The following MPO variants were observed in gnomAD, a reference collection of about 807,000 sequenced individuals.
MPO encodes the protein myeloperoxidase.
MPO carries 57 observed loss-of-function variants against 69.4 expected under a neutral mutation model. That is an observed-to-expected ratio of 0.82 (90% CI 0.66 to 1.02). The LOEUF (loss-of-function observed/expected upper bound fraction) is 1.02, where lower values mean the gene tolerates loss of function less well. MPO is among the 50% of genes least tolerant of loss of function. The pLI is 0.00. For missense variants in MPO, 971 were observed against 1,014.1 expected, an observed-to-expected ratio of 0.96 and a Z score of 0.58; for synonymous variants, 426 against 417.1, an observed-to-expected ratio of 1.02 and a Z score of -0.26.
At chr17:58,278,979 C>A in intron 6 of MPO, 29 bp downstream of exon 6, 1 of 1,588,824 alleles carries the variant, frequency 6.3e-7, no homozygotes, top group Non-Finnish European at 8.5e-7. Flanking sequence ...CCTCTCCCAA[C>A]CCAGGCAGTG....
At chr17:58,271,608 A>T in intron 11 of MPO, 47 bp downstream of exon 11, 1 of 1,581,358 alleles carries the variant, frequency 6.3e-7, no homozygotes, top group Non-Finnish European at 8.7e-7. Flanking sequence ...AGAGTCAAGG[A>T]TGGGCCCACA....
At chr17:58,278,454 G>C (rs947975645) in intron 6 of MPO, among the ~76,000 whole-genome samples, 1 of 152,024 alleles carries the variant, frequency 6.6e-6, no homozygotes, top group African/African-American at 2.4e-5. Flanking sequence ...CTCTCCCTCT[G>C]GCCCTGACAT....
intron 2 of MPO, 118 bp downstream of exon 2, chr17:58,280,248 G>A: frequency 9.1e-7 from 1 of 1,093,518 alleles, no homozygotes; most frequent in Non-Finnish European, 1.4e-6. Context: ...GACAGAAAGG[G>A]AGTCCACATG....
At chr17:58,272,963 A>G in intron 9 of MPO, 45 bp from the exon 10 acceptor site, 1 of 1,608,552 alleles carries the variant, frequency 6.2e-7, no homozygotes, top group Non-Finnish European at 8.5e-7. Flanking sequence ...CTGGCTCAGT[A>G]TCAGAGCTCA....
rs760823269 is a variant in MPO at position 58,275,502 on chromosome 17, A to T, written c.1365+40T>A. The T allele has an allele frequency of 3.1e-6, 5 of 1,613,610 alleles. No individual in the cohort carries two copies. The highest frequency in any genetic ancestry group is 4.2e-6 in the Non-Finnish European group (5 of 1,179,686). ...CACACAGCTAGGATGTTGCAGGGAC[A>T]CATCTGGATCCCGTGTGCCCGGTGT... is the stretch of plus-strand genomic sequence containing the variant. On this transcript the variant is annotated intron_variant, in intron 8 of 11. Transcript: ENST00000225275. This position sits in a 1 kb window ranked among gnomAD's most constrained non-coding sequence, Gnocchi z 4.1.
At chr17:58,278,665 T>TG (rs1389963407) in intron 6 of MPO, among the ~76,000 whole-genome samples, 1 of 152,006 alleles carries the variant, frequency 6.6e-6, no homozygotes. Context: ...CATGGAGGCT[T>TG]GGGGGGCACT....
At chr17:58,273,297 G>T in intron 9 of MPO, 117 bp downstream of exon 9, 1 of 1,499,196 alleles carries the variant, frequency 6.7e-7, no homozygotes, top group Non-Finnish European at 9.2e-7. Flanking sequence ...AGTCAGACCA[G>T]ATCTCCAAGA....
At position 58,273,468 on chromosome 17, in the gene MPO, G is replaced by C. The variant is rs142034772; in HGVS notation, c.1567C>G (p.Pro523Ala). The change falls in exon 9 of 12, where the codon CCC becomes GCC. Residue 523 changes from proline (P) to alanine (A), a missense_variant. Pro to Ala is a conservative substitution (Grantham distance 27). Coordinates refer to ENST00000225275, the MANE Select transcript of MPO (RefSeq NM_000250.2). ...AAGACCCTGCTGAGGGGGACACGGG[G>C]GTTGGGTTCCATGGGCTGGTACCGA... Reference protein sequence around the residue: ...DNRYQPMEPNPRVPLSRVFFA... With the variant: ...DNRYQPMEPNARVPLSRVFFA... 1 of 1,610,680 alleles carries C rather than the reference G, an allele frequency of 6.2e-7. No homozygotes were observed. Among genetic ancestry groups the C allele is most frequent in the Non-Finnish European group, 8.5e-7 (1 of 1,176,742 alleles).
Position 58,275,519 on chromosome 17 carries a change from G to T in MPO, c.1365+23C>A. On this transcript the variant is annotated intron_variant, in intron 8 of 11. Transcript: ENST00000225275. This position sits in a 1 kb window ranked among gnomAD's most constrained non-coding sequence, Gnocchi z 4.1. The stretch of plus-strand genomic sequence containing the variant: ...GCAGGGACACATCTGGATCCCGTGT[G>T]CCCGGTGTTCAAGACGGCCTACCTG... 1 of 1,614,060 alleles carries T rather than the reference G, an allele frequency of 6.2e-7. No homozygotes were observed. Among genetic ancestry groups the T allele is most frequent in the Admixed American group, 1.7e-5 (1 of 60,014 alleles).
chr17:58,277,714 G>A, intron 7 of MPO, 113 bp downstream of exon 7: 1 of 1,427,586 alleles, frequency 7.0e-7, no homozygotes, highest in Non-Finnish European at 9.7e-7. Context: ...AGTAATGGCT[G>A]GTGAGGACAG....
Position 58,278,134 on chromosome 17 carries a change from A to G in MPO, c.897T>C (p.Asn299=), listed in dbSNP as rs375985911. The stretch of plus-strand genomic sequence containing the variant: ...CGGCTTGGTTCTTGATGCGGGGGTC[A>G]TTGGGCGGGATCTGAGGCACAGAGA... ...PPCFPLKIPP[N]DPRIKNQADC... The change falls in exon 7 of 12, where the codon AAT becomes AAC. Residue 299 remains asparagine, a synonymous_variant. Coordinates refer to ENST00000225275, the MANE Select transcript of MPO (RefSeq NM_000250.2). 9.1e-5 allele frequency: 145 copies of G among 1,601,284 alleles called. 1 individual carries two copies. The South Asian group carries it at 1.5e-3, about 16-fold the overall frequency.
In MPO at chr17:58,279,159, T is replaced by C. The variant is rs1464061801; in HGVS notation, c.734A>G (p.Asp245Gly). 1 of 1,612,178 alleles carries C rather than the reference T, an allele frequency of 6.2e-7. No individual in the cohort carries two copies. The highest frequency in any genetic ancestry group is 8.5e-7 in the Non-Finnish European group (1 of 1,179,220). Reference sequence around the variant, plus strand: ...CATGAACATGAGTGAGCGCTCCTGGTCCGGAGTCAGCTGATCAGTGGGGAA... The same window carrying C: ...CATGAACATGAGTGAGCGCTCCTGGCCCGGAGTCAGCTGATCAGTGGGGAA... ...VRFPTDQLTP[D>G]QERSLMFMQW... Residue 245 changes from aspartate (D) to glycine (G), a missense_variant, in exon 6 of 12, where the codon GAC becomes GGC. Transcript: ENST00000225275.
rs1296978935 is a variant in MPO at position 58,270,660 on chromosome 17, G to T, written c.2234C>A (p.Ser745Tyr). Residue 745 changes from serine to tyrosine, a missense_variant, in exon 12 of 12, where the codon TCC becomes TAC. Transcript: ENST00000225275. This position sits in a 1 kb window ranked among gnomAD's most constrained non-coding sequence, Gnocchi z 4.1. ...ALNLASWREA[S>Y] ...CTGCACCCCCTTACCTGGCCTCTAG[G>T]AGGCTTCCCTCCAGGAAGCCAGGTT... 6.2e-7 allele frequency: 1 copy of T among 1,609,820 alleles called. No homozygotes were observed. Among genetic ancestry groups the T allele is most frequent in the African/African-American group, 1.3e-5 (1 of 74,936 alleles).
chr17:58,279,681 G>T (rs1284049187), intron 3 of MPO, 35 bp from the exon 4 acceptor site: 1 of 1,613,996 alleles, frequency 6.2e-7, no homozygotes, highest in Non-Finnish European at 8.5e-7. Flanking sequence ...GAGCTGAGCC[G>T]CCTCACTTCC....
chr17:58,278,835 G>A, intron 6 of MPO, 173 bp downstream of exon 6: 1 of 806,856 alleles, frequency 1.2e-6, no homozygotes. Context: ...CTGAGCCCAG[G>A]CGCAGGAAGG....
At position 58,273,810 on chromosome 17, in the gene MPO, C is replaced by T. The variant is rs1598040271; in HGVS notation, c.1366-141G>A. 2.6e-6 allele frequency: 3 copies of T among 1,147,940 alleles called. No homozygotes were observed. The East Asian group carries it at 7.3e-5, about 28-fold the overall frequency. 71.1% of individuals were successfully genotyped at this position (1,147,940 alleles called of 1,614,324 possible). On this transcript the variant is annotated intron_variant, in intron 8 of 11. Transcript: ENST00000225275. ...TCCCTCTATGGTCAGGGAATAGCCT[C>T]CCACAATACCGGACCTGGGCCTAAC...
rs1970424270 is a variant in MPO at position 58,275,453 on chromosome 17, G to A, written c.1365+89C>T. On this transcript the variant is annotated intron_variant, in intron 8 of 11. Transcript: ENST00000225275. The surrounding 1 kb of genome is among the most constrained non-coding windows in gnomAD (Gnocchi z 4.1). Reference sequence around the variant, plus strand: ...CATGGATGAAGAAGGCAAGGCTCAGGAGCGTTAGGAACTTGCCCAAGGTCA... The same window carrying A: ...CATGGATGAAGAAGGCAAGGCTCAGAAGCGTTAGGAACTTGCCCAAGGTCA... The A allele has an allele frequency of 1.3e-6, 2 of 1,534,594 alleles. No homozygotes were observed. The highest frequency in any genetic ancestry group is 1.8e-6 in the Non-Finnish European group (2 of 1,110,414).
chr17:58,273,648 G>T lies in MPO; in HGVS notation c.1387C>A (p.Leu463Met). 6.2e-7 allele frequency: 1 copy of T among 1,614,242 alleles called. No individual in the cohort carries two copies. Among genetic ancestry groups the T allele is most frequent in the East Asian group, 2.2e-5 (1 of 44,882 alleles). The change falls in exon 9 of 12, where the codon CTG (leucine) becomes ATG (methionine). Residue 463 changes from leucine (L) to methionine (M), a missense_variant. Coordinates refer to ENST00000225275, the MANE Select transcript of MPO (RefSeq NM_000250.2). Reference sequence around the variant, plus strand: ...GCCGTTGGCCCCAGCACCAGGGGCAGGTAGTCCCGGTAAGTGATGATCTAA... The same window carrying T: ...GCCGTTGGCCCCAGCACCAGGGGCATGTAGTCCCGGTAAGTGATGATCTAA... ...MVQIITYRDY[L>M]PLVLGPTAMR...
At chr17:58,279,812 G>A (rs1042300353) in intron 3 of MPO, 27 bp downstream of exon 3, 1 of 1,613,810 alleles carries the variant, frequency 6.2e-7, no homozygotes, top group Non-Finnish European at 8.5e-7. Flanking sequence ...GTGGAGCAGG[G>A]ACCTGGGGTG....
Sources: allele counts gnomAD v4.1 joint callset (sites outside exome capture counted in the v4.1 genomes callset), GRCh38; gene constraint gnomAD v4.1.1; non-coding constraint Gnocchi (gnomAD v3.1); transcripts MANE v1.5; gene names NCBI Gene and HGNC (gene_info 2026-07-23, HGNC 2026-07-21).